Variants in CFAP210 observed in about 807,000 individuals in gnomAD.
CFAP210 encodes cilia- and flagella- associated protein 210.
chr2:169,676,796 G>GA, the CFAP210 span, among the ~76,000 whole-genome samples: 15 of 149,520 alleles, frequency 1.0e-4, no homozygotes, highest in East Asian at 1.2e-3. Context: ...ATGTTAAAAA[G>GA]AAAAAAAAAC....
chr2:169,674,196 T>G, the CFAP210 span, among the ~76,000 whole-genome samples: 1 of 152,336 alleles, frequency 6.6e-6, no homozygotes, highest in Admixed American at 6.5e-5. Flanking sequence ...TGCTTCATCC[T>G]GAACCTCAGA....
At chr2:169,645,797 A>G in the CFAP210 span, 1 of 1,251,736 alleles carries the variant, frequency 8.0e-7, no homozygotes, top group Non-Finnish European at 1.1e-6. Flanking sequence ...TGAAGCTCAT[A>G]TATGCTACAA....
the CFAP210 span, chr2:169,658,448 A>G: frequency 0.027 from 4,166 of 152,684 alleles, 80 homozygotes; most frequent in East Asian, 0.11. Context: ...GATAAAAGTC[A>G]CAGAATTTTT....
At chr2:169,664,482 A>G in the CFAP210 span, among the ~76,000 whole-genome samples, 2 of 152,218 alleles carry the variant, frequency 1.3e-5, no homozygotes, top group African/African-American at 4.8e-5. Flanking sequence ...GACTTACATA[A>G]TAATTTACAA....
At chr2:169,646,023 G>A in the CFAP210 span, 1 of 1,613,942 alleles carries the variant, frequency 6.2e-7, no homozygotes, top group Non-Finnish European at 8.5e-7. Context: ...GCTTTTACAA[G>A]AGGGTAAATA....
At chr2:169,647,153 T>C in the CFAP210 span, among the ~76,000 whole-genome samples, 1 of 151,500 alleles carries the variant, frequency 6.6e-6, no homozygotes, top group South Asian at 2.1e-4. Flanking sequence ...TGCCAGAGTT[T>C]TAAAAAGTAG....
the CFAP210 span, among the ~76,000 whole-genome samples, chr2:169,687,029 A>G: frequency 6.6e-6 from 1 of 152,202 alleles, no homozygotes; most frequent in African/African-American, 2.4e-5. Flanking sequence ...AGGAAGAAGC[A>G]AAAGCGGAAG....
chr2:169,658,544 G>C, the CFAP210 span: 1 of 157,302 alleles, frequency 6.4e-6, no homozygotes, highest in African/African-American at 2.4e-5. Flanking sequence ...TACTAATTTG[G>C]GTATAGAGAA....
the CFAP210 span, chr2:169,674,652 C>T: frequency 7.6e-4 from 1,218 of 1,609,242 alleles, 2 homozygotes; most frequent in Middle Eastern, 4.0e-3. Flanking sequence ...TCTTTAAAAG[C>T]TTTTTCAATG....
At chr2:169,656,075 A>G in the CFAP210 span, among the ~76,000 whole-genome samples, 1 of 152,162 alleles carries the variant, frequency 6.6e-6, no homozygotes, top group Admixed American at 6.5e-5. Context: ...TTCTTGGAAA[A>G]TTCCTTAAAA....
chr2:169,661,555 C>G, the CFAP210 span, among the ~76,000 whole-genome samples: 2 of 152,202 alleles, frequency 1.3e-5, no homozygotes, highest in African/African-American at 2.4e-5. Context: ...CTGTGGTGAA[C>G]TGCGACAAAA....
chr2:169,645,961 A>G, the CFAP210 span: 1 of 1,613,900 alleles, frequency 6.2e-7, no homozygotes. Context: ...GTCTTAATCC[A>G]CCTCTGTCCA....
the CFAP210 span, chr2:169,694,208 A>T: frequency 6.3e-7 from 1 of 1,582,128 alleles, no homozygotes. Context: ...CTCTCACTCC[A>T]TGCCGGGGGT....
At chr2:169,646,899 T>C in the CFAP210 span, among the ~76,000 whole-genome samples, 1 of 152,204 alleles carries the variant, frequency 6.6e-6, no homozygotes, top group Non-Finnish European at 1.5e-5. Flanking sequence ...TTAAGAAATG[T>C]TGAGTTTATT....
chr2:169,665,738 A>G, the CFAP210 span, among the ~76,000 whole-genome samples: 1 of 152,174 alleles, frequency 6.6e-6, no homozygotes, highest in Non-Finnish European at 1.5e-5. Context: ...AGTACTGATA[A>G]CATCAAGGTT....
chr2:169,680,389 AT>A, the CFAP210 span, among the ~76,000 whole-genome samples: 3 of 152,204 alleles, frequency 2.0e-5, no homozygotes, highest in Non-Finnish European at 2.9e-5. Flanking sequence ...AAAGACAGCT[AT>A]TCTACACGAA....
At chr2:169,665,621 T>C in the CFAP210 span, among the ~76,000 whole-genome samples, 3 of 152,152 alleles carry the variant, frequency 2.0e-5, no homozygotes, top group African/African-American at 7.2e-5. Flanking sequence ...ACGTTGCCAG[T>C]GAGGCAATGG....
At chr2:169,694,374 A>T in the CFAP210 span, 1 of 1,581,886 alleles carries the variant, frequency 6.3e-7, no homozygotes, top group Non-Finnish European at 8.7e-7. Flanking sequence ...AGCGCCGCGG[A>T]CGCCAGCCGG....
the CFAP210 span, among the ~76,000 whole-genome samples, chr2:169,676,117 T>C: frequency 6.6e-6 from 1 of 152,328 alleles, no homozygotes; most frequent in South Asian, 2.1e-4. Context: ...GTATCAGTTG[T>C]TGAATTCCCA....
Sources: allele counts gnomAD v4.1 joint callset (sites outside exome capture counted in the v4.1 genomes callset), GRCh38; gene constraint gnomAD v4.1.1; transcripts MANE v1.5; gene names NCBI Gene and HGNC (gene_info 2026-07-23, HGNC 2026-07-21).